The following PAWR variants were observed in gnomAD, a reference collection of about 807,000 sequenced individuals.
PAWR encodes the protein pro-apoptotic WT1 regulator.
A neutral mutation model predicts 32.0 loss-of-function variants in PAWR; 23 were observed. The ratio of observed to expected loss-of-function variants is 0.72; its 90% confidence interval spans 0.52 to 1.02. The LOEUF (loss-of-function observed/expected upper bound fraction) is 1.02, where lower values mean the gene tolerates loss of function less well. Ranked by LOEUF, PAWR falls within the 50% of genes least tolerant of loss-of-function variation. The probability of loss-of-function intolerance (pLI) is 0.00; values close to 1 mark genes in which losing one functional copy is unlikely to be tolerated. For missense variants in PAWR, 457 were observed against 437.7 expected, an observed-to-expected ratio of 1.04 and a Z score of -0.39; for synonymous variants, 226 against 187.1, an observed-to-expected ratio of 1.21 and a Z score of -1.70.
intron 2 of PAWR, among the ~76,000 whole-genome samples, chr12:79,636,338 C>CAT (rs8176845): frequency 0.23 from 34,782 of 151,870 alleles, 10,745 homozygotes; most frequent in African/African-American, 0.7. Context: ...TGTATTAACA[C>CAT]GTTTAAATGT....
chr12:79,629,530 T>C (rs879279374), intron 2 of PAWR, among the ~76,000 whole-genome samples: 9 of 152,004 alleles, frequency 5.9e-5, no homozygotes, highest in African/African-American at 1.4e-4. Context: ...ACAAATTCAG[T>C]TGGAGATTTC....
At chr12:79,593,125 G>A (rs534219571) in intron 6 of PAWR, among the ~76,000 whole-genome samples, 1 of 152,144 alleles carries the variant, frequency 6.6e-6, no homozygotes, top group East Asian at 1.9e-4. Context: ...AAAGGTGCAG[G>A]TACAAGTTCT....
intron 2 of PAWR, among the ~76,000 whole-genome samples, chr12:79,653,546 C>T (rs555231986): frequency 8.8e-4 from 134 of 152,332 alleles, no homozygotes; most frequent in South Asian, 5.0e-3. Flanking sequence ...ATGGCACGAT[C>T]TCAGCTCACT....
chr12:79,657,928 T>C (rs904566311), intron 2 of PAWR, among the ~76,000 whole-genome samples: 4 of 152,076 alleles, frequency 2.6e-5, no homozygotes, highest in East Asian at 1.9e-4. Context: ...TATGGCGTCA[T>C]TGAAGCAAAG....
chr12:79,593,140 G>A (rs546338756), intron 6 of PAWR, among the ~76,000 whole-genome samples: 1 of 152,150 alleles, frequency 6.6e-6, no homozygotes, highest in Non-Finnish European at 1.5e-5. Context: ...AGTTCTAGAT[G>A]CACTCCTACC....
At chr12:79,680,837 C>T (rs906862425) in intron 2 of PAWR, among the ~76,000 whole-genome samples, 2 of 151,954 alleles carry the variant, frequency 1.3e-5, no homozygotes, top group Non-Finnish European at 2.9e-5. Flanking sequence ...AAAAAATAGA[C>T]CAGGTGGAGT....
intron 3 of PAWR, among the ~76,000 whole-genome samples, chr12:79,618,131 T>C (rs1456453864): frequency 1.3e-5 from 2 of 152,168 alleles, no homozygotes; most frequent in African/African-American, 4.8e-5. Context: ...ACTTCTTTTT[T>C]TTTTTGTTTC....
At chr12:79,621,873 A>T (rs1443428790) in intron 2 of PAWR, among the ~76,000 whole-genome samples, 1 of 152,202 alleles carries the variant, frequency 6.6e-6, no homozygotes, top group Non-Finnish European at 1.5e-5. Flanking sequence ...ACATAAGAAA[A>T]ACAAAATAGA....
chr12:79,634,346 A>G (rs969964758), intron 2 of PAWR, among the ~76,000 whole-genome samples: 1 of 152,158 alleles, frequency 6.6e-6, no homozygotes, highest in Non-Finnish European at 1.5e-5. Flanking sequence ...CAACTACAAG[A>G]CAAGAACTCA....
intron 2 of PAWR, among the ~76,000 whole-genome samples, chr12:79,676,081 C>T (rs1453814944): frequency 2.0e-5 from 3 of 151,502 alleles, no homozygotes; most frequent in Non-Finnish European, 4.4e-5. Flanking sequence ...ACTAATTTCT[C>T]AAATCAGAAA....
intron 2 of PAWR, among the ~76,000 whole-genome samples, chr12:79,652,746 G>C (rs1876907834): frequency 6.6e-6 from 1 of 152,172 alleles, no homozygotes; most frequent in Admixed American, 6.5e-5. Flanking sequence ...ATTAATTTGT[G>C]AGGGAGTGAA....
chr12:79,659,886 G>A (rs1331503013), intron 2 of PAWR, among the ~76,000 whole-genome samples: 1 of 151,938 alleles, frequency 6.6e-6, no homozygotes, highest in African/African-American at 2.4e-5. Context: ...AGTAGTTTTT[G>A]TCCAAAAGAA....
intron 2 of PAWR, among the ~76,000 whole-genome samples, chr12:79,635,308 T>C (rs779603975): frequency 1.1e-4 from 17 of 152,028 alleles, no homozygotes; most frequent in Non-Finnish European, 1.9e-4. Flanking sequence ...CTGGGCTCAG[T>C]GATTCTTTCA....
chr12:79,689,688 C>A (rs1878873559), intron 2 of PAWR, 41 bp downstream of exon 2: 1 of 1,524,690 alleles, frequency 6.6e-7, no homozygotes, highest in South Asian at 1.2e-5. Flanking sequence ...AGGCAGCTGC[C>A]CGCCCCGGCC....
intron 2 of PAWR, among the ~76,000 whole-genome samples, chr12:79,687,064 T>C (rs1376849372): frequency 6.6e-6 from 1 of 152,148 alleles, no homozygotes; most frequent in African/African-American, 2.4e-5. Context: ...AATTACCCAG[T>C]TCAGGTGAAT....
intron 2 of PAWR, among the ~76,000 whole-genome samples, chr12:79,622,669 C>A (rs540683333): frequency 2.6e-5 from 4 of 152,252 alleles, no homozygotes; most frequent in African/African-American, 9.6e-5. Flanking sequence ...ATGGAAAGGG[C>A]AAATGAAAGG....
At chr12:79,660,731 A>G (rs973177598) in intron 2 of PAWR, among the ~76,000 whole-genome samples, 9 of 151,460 alleles carry the variant, frequency 5.9e-5, no homozygotes, top group African/African-American at 2.2e-4. Flanking sequence ...CTACAGGTGC[A>G]TGCCACCAGG....
chr12:79,611,101 C>A (rs1874414904), intron 4 of PAWR, among the ~76,000 whole-genome samples: 2 of 148,126 alleles, frequency 1.4e-5, no homozygotes, highest in African/African-American at 4.9e-5. Flanking sequence ...GGTGTTTGAA[C>A]CTCCTAATGA....
intron 2 of PAWR, among the ~76,000 whole-genome samples, chr12:79,640,279 T>G (rs2136771605): frequency 6.6e-6 from 1 of 152,112 alleles, no homozygotes; most frequent in Admixed American, 6.6e-5. Context: ...AGCAATCCCT[T>G]AGTCCTAAAT....
Sources: allele counts gnomAD v4.1 joint callset (sites outside exome capture counted in the v4.1 genomes callset), GRCh38; gene constraint gnomAD v4.1.1; transcripts MANE v1.5; gene names NCBI Gene and HGNC (gene_info 2026-07-23, HGNC 2026-07-21).